FAM227B: variants seen among roughly 807,000 people sequenced by gnomAD.
FAM227B encodes the protein protein FAM227B.
Under a neutral mutation model 73.8 loss-of-function variants are expected in FAM227B, and 88 were observed. The observed-to-expected ratio is 1.19, with a 90% CI of 1.00 to 1.42. FAM227B has a LOEUF of 1.42. Among genes scored for constraint, FAM227B ranks in the 40% most tolerant of loss-of-function variants. The probability of loss-of-function intolerance (pLI) is 0.00; values close to 1 mark genes in which losing one functional copy is unlikely to be tolerated. For synonymous variants in FAM227B, 210 were observed against 190.5 expected, an observed-to-expected ratio of 1.10 and a Z score of -0.84; for missense variants, 632 against 590.9, an observed-to-expected ratio of 1.07 and a Z score of -0.72.
chr15:49,570,037 T>TGTCTG (rs1197358862), intron 8 of FAM227B, among the ~76,000 whole-genome samples: 1 of 151,972 alleles, frequency 6.6e-6, no homozygotes, highest in African/African-American at 2.4e-5. Context: ...TTAGGTTGAT[T>TGTCTG]TCCATGATGG....
At chr15:49,418,200 C>A (rs1020774813) in intron 11 of FAM227B, among the ~76,000 whole-genome samples, 2 of 152,120 alleles carry the variant, frequency 1.3e-5, no homozygotes, top group African/African-American at 4.8e-5. Flanking sequence ...GGAACACTTA[C>A]ACACTGCTGA....
At chr15:49,354,754 T>G (rs1321169169) in intron 13 of FAM227B, among the ~76,000 whole-genome samples, 2 of 152,102 alleles carry the variant, frequency 1.3e-5, no homozygotes, top group South Asian at 2.1e-4. Flanking sequence ...CAAGGAGGCC[T>G]GCCTGCCTCT....
At chr15:49,394,655 T>C (rs1288062392) in intron 11 of FAM227B, among the ~76,000 whole-genome samples, 1 of 152,092 alleles carries the variant, frequency 6.6e-6, no homozygotes, top group South Asian at 2.1e-4. Flanking sequence ...GCTTTTTCAG[T>C]GAACTGAAAA....
chr15:49,436,032 G>A (rs983728489), intron 11 of FAM227B, among the ~76,000 whole-genome samples: 2 of 151,354 alleles, frequency 1.3e-5, no homozygotes, highest in African/African-American at 4.8e-5. Context: ...CTGTAAGCTT[G>A]CAATTACACA....
At chr15:49,558,060 G>A (rs2073897264) in intron 9 of FAM227B, among the ~76,000 whole-genome samples, 1 of 152,166 alleles carries the variant, frequency 6.6e-6, no homozygotes, top group Non-Finnish European at 1.5e-5. Flanking sequence ...TGCAGACTAT[G>A]TGACCTCCTA....
intron 11 of FAM227B, chr15:49,424,542 G>C: frequency 6.2e-7 from 1 of 1,606,172 alleles, no homozygotes; most frequent in Non-Finnish European, 8.5e-7. Flanking sequence ...ATCGATAAAA[G>C]AGGCAAAGTA....
intron 11 of FAM227B, among the ~76,000 whole-genome samples, chr15:49,396,747 C>G (rs2047690896): frequency 6.8e-6 from 1 of 147,672 alleles, no homozygotes; most frequent in South Asian, 2.2e-4. Context: ...ACTGACACCT[C>G]ACACGGCAGG....
intron 14 of FAM227B, among the ~76,000 whole-genome samples, chr15:49,334,502 G>A (rs979718514): frequency 1.3e-5 from 2 of 152,156 alleles, no homozygotes; most frequent in Non-Finnish European, 2.9e-5. Context: ...CACAACACCT[G>A]AGTACAGCTG....
chr15:49,565,782 TTAAAA>T (rs1298410009), intron 9 of FAM227B, among the ~76,000 whole-genome samples: 1 of 152,182 alleles, frequency 6.6e-6, no homozygotes, highest in African/African-American at 2.4e-5. Context: ...TAATCCCCAC[TTAAAA>T]TAAGGAGATT....
chr15:49,495,745 C>T (rs1475230116), intron 11 of FAM227B, among the ~76,000 whole-genome samples: 3 of 152,002 alleles, frequency 2.0e-5, no homozygotes, highest in Non-Finnish European at 2.9e-5. Context: ...AAATCCGGGC[C>T]GGGCATGGTG....
chr15:49,388,528 A>G (rs1460401123), intron 11 of FAM227B, among the ~76,000 whole-genome samples: 1 of 152,044 alleles, frequency 6.6e-6, no homozygotes, highest in Non-Finnish European at 1.5e-5. Flanking sequence ...AAACTATACA[A>G]ATTCTAGAAG....
rs2045789643 is a variant in FAM227B at position 49,371,325 on chromosome 15, T to C, written c.1087A>G (p.Arg363Gly). ...YTLPISKEES[R>G]LSRLATKSHY... ...ACCTTTGTTGCTAGTCTTGATAATC[T>C]TGATTCTTCCTTGGATATGGGCAAC... Residue 363 changes from arginine (R) to glycine (G), a missense_variant, in exon 12 of 16, where the codon AGA (arginine) becomes GGA (glycine). Coordinates refer to ENST00000299338, the MANE Select transcript of FAM227B (RefSeq NM_152647.3). 6.3e-7 allele frequency: 1 copy of C among 1,598,836 alleles called. No homozygotes were observed. Among genetic ancestry groups the C allele is most frequent in the Non-Finnish European group, 8.6e-7 (1 of 1,169,004 alleles).
chr15:49,417,586 A>C (rs1026216100), intron 11 of FAM227B, among the ~76,000 whole-genome samples: 4 of 152,176 alleles, frequency 2.6e-5, no homozygotes, highest in African/African-American at 7.2e-5. Flanking sequence ...CTCCCTATTC[A>C]ATAAACGGTG....
chr15:49,334,577 A>G (rs2151170556), intron 14 of FAM227B, among the ~76,000 whole-genome samples: 1 of 152,122 alleles, frequency 6.6e-6, no homozygotes, highest in South Asian at 2.1e-4. Flanking sequence ...CCCACTAAGC[A>G]CAGGAAGTCT....
At chr15:49,344,805 A>G (rs1415542524) in intron 13 of FAM227B, among the ~76,000 whole-genome samples, 1 of 152,204 alleles carries the variant, frequency 6.6e-6, no homozygotes, top group Non-Finnish European at 1.5e-5. Flanking sequence ...TCTTCCTGAA[A>G]TGACTGAAAC....
intron 1 of FAM227B, chr15:49,620,000 T>G (rs1014250784): frequency 6.6e-6 from 1 of 152,214 alleles, no homozygotes; most frequent in African/African-American, 2.4e-5. Flanking sequence ...CAATCTATAT[T>G]GTTTCTTTTT....
intron 11 of FAM227B, among the ~76,000 whole-genome samples, chr15:49,498,483 T>C (rs187759402): frequency 5.1e-4 from 77 of 152,302 alleles, no homozygotes; most frequent in African/African-American, 1.6e-3. Flanking sequence ...ACTATTAAAT[T>C]AAAATTTGAG....
intron 11 of FAM227B, among the ~76,000 whole-genome samples, chr15:49,490,830 G>T (rs947201980): frequency 2.0e-5 from 3 of 151,836 alleles, no homozygotes; most frequent in African/African-American, 7.3e-5. Context: ...CTAGATGAGA[G>T]GGCTTCTACT....
At chr15:49,618,863 CA>C (rs1238146774) in intron 1 of FAM227B, among the ~76,000 whole-genome samples, 2 of 152,130 alleles carry the variant, frequency 1.3e-5, no homozygotes, top group African/African-American at 2.4e-5. Flanking sequence ...TTGGGTACTA[CA>C]GGGTTTTCTT....
Sources: gnomAD v4.1 joint callset for allele counts (sites outside exome capture counted in the v4.1 genomes callset) on GRCh38, gnomAD v4.1.1 for gene constraint, MANE v1.5 for transcripts, NCBI Gene and HGNC (gene_info 2026-07-23, HGNC 2026-07-21) for gene names.